The following PUDP variants were observed in gnomAD, a reference collection of about 807,000 sequenced individuals.
PUDP encodes pseudouridine 5'-phosphatase, also known as pseudouridine-5'-phosphatase.
Under a neutral mutation model 9.4 loss-of-function variants are expected in PUDP, and 8 were observed. That is an observed-to-expected ratio of 0.85 (90% CI 0.50 to 1.53). The LOEUF is 1.53. PUDP is among the 40% of genes most tolerant of loss of function. The pLI, the probability that PUDP is intolerant of heterozygous loss-of-function variation, is 0.00. For missense variants in PUDP, 188 were observed against 189.7 expected (o/e 0.99, Z 0.05); for synonymous variants, 99 against 80.7 (o/e 1.23, Z -1.22).
At chrX:6,966,630 C>G (rs774020878) in intron 3 of PUDP, among the ~76,000 whole-genome samples, 3 of 107,522 alleles carry the variant, frequency 2.8e-5, no homozygotes, top group Non-Finnish European at 5.8e-5. Context: ...TTGCTGCAAC[C>G]TTGAACTCCT....
At chrX:7,094,004 G>A (rs776103364) in intron 2 of PUDP, among the ~76,000 whole-genome samples, 1 of 111,194 alleles carries the variant, frequency 9.0e-6, no homozygotes, top group South Asian at 3.8e-4. Context: ...AGCTACTTGA[G>A]AGGCCAAGGT....
intron 3 of PUDP, among the ~76,000 whole-genome samples, chrX:6,833,489 G>A (rs1926537355): frequency 9.0e-6 from 1 of 111,534 alleles, no homozygotes; most frequent in African/African-American, 3.3e-5. Flanking sequence ...ATGAATGAAT[G>A]AATAGGTGGA....
chrX:6,801,573 C>A (rs781141307), intron 3 of PUDP, among the ~76,000 whole-genome samples: 9 of 111,110 alleles, frequency 8.1e-5, no homozygotes, highest in Non-Finnish European at 1.5e-4. Context: ...GTCAGTCCCC[C>A]TCGCCACACA....
chrX:6,725,952 G>A (rs922641596), upstream of PUDP, among the ~76,000 whole-genome samples: 22 of 111,805 alleles, frequency 2.0e-4, no homozygotes, highest in African/African-American at 6.2e-4. Flanking sequence ...GTATCAAAAA[G>A]ACACCTGCAC....
intron 1 of PUDP, among the ~76,000 whole-genome samples, chrX:7,037,067 G>C (rs1422941187): frequency 9.0e-6 from 1 of 111,276 alleles, no homozygotes; most frequent in Non-Finnish European, 1.9e-5. Flanking sequence ...AAAGGCCCCC[G>C]GCTGGCTCCA....
intron 3 of PUDP, among the ~76,000 whole-genome samples, chrX:7,076,191 G>A (rs1203733365): frequency 2.7e-5 from 3 of 112,125 alleles, no homozygotes; most frequent in Non-Finnish European, 5.6e-5. Context: ...TACTCCGGTA[G>A]CTCCGCTTTA....
intron 1 of PUDP, among the ~76,000 whole-genome samples, chrX:6,979,611 A>G (rs939793944): frequency 5.4e-5 from 6 of 111,928 alleles, no homozygotes; most frequent in African/African-American, 1.9e-4. Flanking sequence ...GAAACAGGGC[A>G]CCTAGTTCCT....
At chrX:7,005,638 G>C (rs1252469168) in intron 1 of PUDP, among the ~76,000 whole-genome samples, 3 of 110,765 alleles carry the variant, frequency 2.7e-5, no homozygotes, top group Non-Finnish European at 5.7e-5. Flanking sequence ...TCGAACTCCT[G>C]AACTCAAATG....
intron 3 of PUDP, among the ~76,000 whole-genome samples, chrX:7,067,291 A>C (rs1405157299): frequency 8.9e-6 from 1 of 112,071 alleles, no homozygotes; most frequent in Admixed American, 9.5e-5. Flanking sequence ...TCTGCAGAAC[A>C]GTACAGGGGC....
chrX:6,746,394 T>G (rs998116338), intron 3 of PUDP, among the ~76,000 whole-genome samples: 34 of 112,448 alleles, frequency 3.0e-4, no homozygotes, highest in South Asian at 3.7e-4. Flanking sequence ...GCCATTTTCT[T>G]TTTTACACAA....
At chrX:6,719,751 A>C (rs1252968686) in intron 1 of PUDP, among the ~76,000 whole-genome samples, 1 of 112,103 alleles carries the variant, frequency 8.9e-6, no homozygotes, top group Non-Finnish European at 1.9e-5. Context: ...TGAGTTGTCT[A>C]GTGTATTAGG....
intron 3 of PUDP, among the ~76,000 whole-genome samples, chrX:6,752,358 T>C (rs1602607104): frequency 9.0e-6 from 1 of 111,194 alleles, no homozygotes; most frequent in African/African-American, 3.3e-5. Context: ...GACAACTCAC[T>C]GCACAGATTC....
chrX:6,747,126 C>T (rs1189096959), intron 3 of PUDP, among the ~76,000 whole-genome samples: 5 of 111,346 alleles, frequency 4.5e-5, no homozygotes, highest in Non-Finnish European at 9.4e-5. Context: ...CATGATTGGC[C>T]GTTTTTAAGT....
At chrX:6,856,665 T>C (rs1172735472) in intron 3 of PUDP, among the ~76,000 whole-genome samples, 2 of 112,076 alleles carry the variant, frequency 1.8e-5, no homozygotes, top group Non-Finnish European at 3.8e-5. Flanking sequence ...ACACCTTGCA[T>C]GTCAGGCACC....
chrX:7,128,245 T>C (rs1307626889), intron 1 of PUDP, among the ~76,000 whole-genome samples: 1 of 111,367 alleles, frequency 9.0e-6, no homozygotes. Context: ...TTTCGCCATG[T>C]TGCCCAGGCT....
intron 1 of PUDP, among the ~76,000 whole-genome samples, chrX:6,716,496 C>T (rs1243886474): frequency 4.5e-5 from 5 of 111,622 alleles, no homozygotes; most frequent in Admixed American, 9.5e-5. Flanking sequence ...ATATGCATGT[C>T]GAAAGGAAAG....
intron 3 of PUDP, among the ~76,000 whole-genome samples, chrX:6,971,948 C>T (rs1928883907): frequency 9.0e-6 from 1 of 111,438 alleles, no homozygotes; most frequent in Non-Finnish European, 1.9e-5. Flanking sequence ...AAGTTGTATT[C>T]CTAGGTATTT....
At chrX:7,090,981 G>A (rs1931404051) in intron 2 of PUDP, among the ~76,000 whole-genome samples, 1 of 112,259 alleles carries the variant, frequency 8.9e-6, no homozygotes. Flanking sequence ...GCATTCTTTT[G>A]TATTATGTAA....
At chrX:7,101,740 A>G (rs2146893828) in intron 2 of PUDP, among the ~76,000 whole-genome samples, 1 of 111,679 alleles carries the variant, frequency 9.0e-6, no homozygotes, top group African/African-American at 3.3e-5. Flanking sequence ...ACTCAGTCAC[A>G]GAGTAACTTT....
Sources: allele counts gnomAD v4.1 joint callset (sites outside exome capture counted in the v4.1 genomes callset), GRCh38; gene constraint gnomAD v4.1.1; transcripts MANE v1.5; gene names NCBI Gene and HGNC (gene_info 2026-07-23, HGNC 2026-07-21).